The following PLXNA2 variants were observed in gnomAD, a reference collection of about 807,000 sequenced individuals.
The protein encoded by PLXNA2 is plexin-A2.
A neutral mutation model predicts 193.5 loss-of-function variants in PLXNA2; 91 were observed. That is an observed-to-expected ratio of 0.47 (90% CI 0.40 to 0.56). PLXNA2 has a LOEUF of 0.56. Among genes scored for constraint, PLXNA2 ranks in the 20% least tolerant of loss-of-function variants. The probability of loss-of-function intolerance (pLI) is 0.00; values close to 1 mark genes in which losing one functional copy is unlikely to be tolerated. For synonymous variants in PLXNA2, 997 were observed against 1,027.3 expected (o/e 0.97, Z 0.56); for missense variants, 1,995 against 2,503.2 (o/e 0.80, Z 4.33).
chr1:208,079,997 G>T (rs1666285571), intron 11 of PLXNA2, among the ~76,000 whole-genome samples: 1 of 152,160 alleles, frequency 6.6e-6, no homozygotes, highest in Non-Finnish European at 1.5e-5. Flanking sequence ...GAAAAATGAG[G>T]CTCAGGGAGA....
intron 4 of PLXNA2, among the ~76,000 whole-genome samples, chr1:208,138,462 A>G (rs1668366911): frequency 6.6e-6 from 1 of 152,196 alleles, no homozygotes; most frequent in South Asian, 2.1e-4. Flanking sequence ...GTAGGAGGCA[A>G]CCCCATCATA....
At chr1:208,180,347 G>T (rs1230130783) in intron 3 of PLXNA2, among the ~76,000 whole-genome samples, 1 of 152,224 alleles carries the variant, frequency 6.6e-6, no homozygotes, top group East Asian at 1.9e-4. Context: ...CCGGTAGGAG[G>T]CCTGAGTGGG....
At chr1:208,064,881 G>A (rs947230364) in intron 12 of PLXNA2, among the ~76,000 whole-genome samples, 1 of 150,632 alleles carries the variant, frequency 6.6e-6, no homozygotes, top group African/African-American at 2.4e-5. Flanking sequence ...ACCCCCACCA[G>A]CCCCGCCCAA....
intron 9 of PLXNA2, among the ~76,000 whole-genome samples, chr1:208,089,260 C>A (rs1666633236): frequency 1.3e-5 from 2 of 152,132 alleles, no homozygotes; most frequent in Admixed American, 1.3e-4. Context: ...TGTGCTGGCC[C>A]ATCCATAGCC....
At chr1:208,215,276 G>A (rs994672238) in intron 2 of PLXNA2, among the ~76,000 whole-genome samples, 2 of 152,176 alleles carry the variant, frequency 1.3e-5, no homozygotes, top group Non-Finnish European at 2.9e-5. Context: ...GAGTACAGGT[G>A]TGAGCCACCG....
chr1:208,038,314 T>A lies in PLXNA2; in HGVS notation c.4764+57A>T. The A allele has an allele frequency of 8.2e-7, 1 of 1,226,662 alleles. No homozygotes were observed. Among genetic ancestry groups the A allele is most frequent in the South Asian group, 1.2e-5 (1 of 83,378 alleles). The allele number at this position is 1,226,662 out of a possible 1,614,324, so 76.0% of individuals were successfully genotyped here. ...GACTTTTGAGGCCTTAGAGCAAGGC[T>A]TAGCGGGAAGGGAACATTCTGGGAA... On this transcript the variant is annotated intron_variant, in intron 26 of 31. Transcript: ENST00000367033. This position sits in a 1 kb window ranked among gnomAD's most constrained non-coding sequence, Gnocchi z 4.1.
intron 1 of PLXNA2, among the ~76,000 whole-genome samples, chr1:208,218,247 C>T (rs919489247): frequency 6.6e-6 from 1 of 152,158 alleles, no homozygotes. Flanking sequence ...TTTTACAAAG[C>T]ATCTCTATTT....
chr1:208,067,365 T>C (rs1665833319), intron 12 of PLXNA2, among the ~76,000 whole-genome samples: 1 of 150,430 alleles, frequency 6.6e-6, no homozygotes, highest in South Asian at 2.1e-4. Context: ...AAAAAAGTTA[T>C]AATAACTAAG....
At chr1:208,153,023 G>C (rs745403839) in intron 3 of PLXNA2, among the ~76,000 whole-genome samples, 14 of 152,024 alleles carry the variant, frequency 9.2e-5, no homozygotes, top group Admixed American at 5.9e-4. Context: ...AGATATTCAG[G>C]CTCCTGGAGA....
At chr1:208,215,452 G>A (rs1445929933) in intron 2 of PLXNA2, among the ~76,000 whole-genome samples, 1 of 152,074 alleles carries the variant, frequency 6.6e-6, no homozygotes, top group Non-Finnish European at 1.5e-5. Flanking sequence ...GGGCTAGGTA[G>A]ACAAATGGAT....
chr1:208,193,431 A>G (rs1670249280), intron 3 of PLXNA2, among the ~76,000 whole-genome samples: 1 of 152,240 alleles, frequency 6.6e-6, no homozygotes, highest in Admixed American at 6.5e-5. Flanking sequence ...TCTCAGTGTC[A>G]TTACTGAGTG....
At chr1:208,086,721 C>T (rs1666531571) in intron 9 of PLXNA2, among the ~76,000 whole-genome samples, 1 of 148,756 alleles carries the variant, frequency 6.7e-6, no homozygotes, top group African/African-American at 2.5e-5. Flanking sequence ...CATAAACTTG[C>T]TCTTTACTGC....
chr1:208,032,912 T>C lies in PLXNA2; in HGVS notation c.5055+407A>G, dbSNP rs139530134. On this transcript the variant is annotated intron_variant, in intron 28 of 31. Coordinates refer to ENST00000367033, the MANE Select transcript of PLXNA2 (RefSeq NM_025179.4). ...GAGTTACTCCTCTGAAGTGAAACAG[T>C]AGTCTCAAGAAGTACGCAGAAAGCA... 6.8e-3 allele frequency among the ~76,000 whole-genome samples: 1,040 copies of C among 152,270 alleles called. 12 individuals carry two copies. Among genetic ancestry groups the C allele is most frequent in the African/African-American group, 0.023 (942 of 41,552 alleles).
intron 12 of PLXNA2, among the ~76,000 whole-genome samples, chr1:208,075,077 G>A (rs142793958): frequency 7.2e-5 from 11 of 152,318 alleles, no homozygotes; most frequent in African/African-American, 2.4e-4. Flanking sequence ...TTGGGAAGTT[G>A]AGGTGGGCGG....
At position 208,038,242 on chromosome 1, in the gene PLXNA2, T is replaced by C. The variant is rs780137011; in HGVS notation, c.4764+129A>G. 2.9e-6 allele frequency: 2 copies of C among 701,434 alleles called. No individual in the cohort carries two copies. The highest frequency in any genetic ancestry group is 5.2e-6 in the Non-Finnish European group (2 of 385,176). The allele number at this position is 701,434 out of a possible 1,614,324, so 43.5% of individuals were successfully genotyped here. On this transcript the variant is annotated intron_variant, in intron 26 of 31. Transcript: ENST00000367033. This position sits in a 1 kb window ranked among gnomAD's most constrained non-coding sequence, Gnocchi z 4.1. ...CAGCCATGGCTAAGAATCCCTGTTCTATGCTCCAGCAGGAGGAGGAAAGCA... is the reference window on the plus strand; with the variant it reads ...CAGCCATGGCTAAGAATCCCTGTTCCATGCTCCAGCAGGAGGAGGAAAGCA...
chr1:208,079,188 G>T, intron 12 of PLXNA2, 72 bp downstream of exon 12: 1 of 1,311,218 alleles, frequency 7.6e-7, no homozygotes, highest in Non-Finnish European at 1.1e-6. Flanking sequence ...GTCTCAATTT[G>T]CACTCCTCTC....
intron 3 of PLXNA2, among the ~76,000 whole-genome samples, chr1:208,171,726 T>C (rs933953949): frequency 6.6e-6 from 1 of 152,008 alleles, no homozygotes; most frequent in Admixed American, 6.5e-5. Flanking sequence ...TGATGTGGCA[T>C]GCGCCTGTAG....
At position 208,216,895 on chromosome 1, in the gene PLXNA2, T is replaced by G. The variant is rs1171605553; in HGVS notation, c.1028A>C (p.Gln343Pro). ...DVLFAIFSKG[Q>P]KQYHHPPDDS... ...ATCGGGCGGGTGGTGATACTGCTTC[T>G]GCCCTTTGGAGAAGATGGCAAAGAG... Residue 343 changes from glutamine to proline, a missense_variant, in exon 2 of 32, where the codon CAG (glutamine) becomes CCG (proline). Physicochemically the swap from Gln to Pro is moderately conservative, Grantham distance 76. This residue lies in a region of PLXNA2 where 702 missense variants were observed against 812.9 expected (regional missense o/e 0.86). Coordinates refer to ENST00000367033, the MANE Select transcript of PLXNA2 (RefSeq NM_025179.4). 1 of 1,614,106 alleles carries G rather than the reference T, an allele frequency of 6.2e-7. No homozygotes were observed. Among genetic ancestry groups the G allele is most frequent in the Non-Finnish European group, 8.5e-7 (1 of 1,180,046 alleles).
intron 3 of PLXNA2, among the ~76,000 whole-genome samples, chr1:208,189,608 A>G (rs1156875274): frequency 1.3e-5 from 2 of 152,176 alleles, no homozygotes; most frequent in African/African-American, 4.8e-5. Context: ...GCACTAAAAG[A>G]TGAACACAAC....
Sources: gnomAD v4.1 joint callset for allele counts (sites outside exome capture counted in the v4.1 genomes callset) on GRCh38, gnomAD v4.1.1 for gene constraint, gnomAD v4.1.1 regional missense constraint, Gnocchi (gnomAD v3.1) non-coding constraint, MANE v1.5 for transcripts, NCBI Gene and HGNC (gene_info 2026-07-23, HGNC 2026-07-21) for gene names.